The following FBXO40 variants were observed in gnomAD, a reference collection of about 807,000 sequenced individuals.
FBXO40 encodes F-box protein 40, also known as F-box only protein 40.
A neutral mutation model predicts 49.9 loss-of-function variants in FBXO40; 50 were observed. That is an observed-to-expected ratio of 1.00 (90% confidence interval 0.80 to 1.27). The LOEUF (loss-of-function observed/expected upper bound fraction) is 1.27. Among genes scored for constraint, FBXO40 ranks in the 50% most tolerant of loss-of-function variants. The probability of loss-of-function intolerance (pLI) is 0.00; values close to 1 mark genes in which losing one functional copy is unlikely to be tolerated. For missense variants in FBXO40, 895 were observed against 870.1 expected, an observed-to-expected ratio of 1.03 and a Z score of -0.36; for synonymous variants, 340 against 320.2, an observed-to-expected ratio of 1.06 and a Z score of -0.66.
intron 1 of FBXO40, among the ~76,000 whole-genome samples, chr3:121,603,602 G>A (rs1194118097): frequency 6.6e-6 from 1 of 152,210 alleles, no homozygotes; most frequent in African/African-American, 2.4e-5. Context: ...TGGTCAGCTT[G>A]GGATGTGGCT....
chr3:121,611,579 C>A (rs1321138967), intron 1 of FBXO40, among the ~76,000 whole-genome samples: 1 of 152,210 alleles, frequency 6.6e-6, no homozygotes, highest in Non-Finnish European at 1.5e-5. Context: ...AGGTTTTATA[C>A]CGAGACATTC....
At chr3:121,613,204 A>G (rs555793102) in intron 1 of FBXO40, among the ~76,000 whole-genome samples, 1 of 152,150 alleles carries the variant, frequency 6.6e-6, no homozygotes, top group Non-Finnish European at 1.5e-5. Flanking sequence ...AAGGTGCTGA[A>G]TACCACTCCT....
At position 121,622,958 on chromosome 3, in the gene FBXO40, G is replaced by A. The variant is rs779809283; in HGVS notation, c.1529G>A (p.Arg510Gln). 3.5e-5 allele frequency: 56 copies of A among 1,614,068 alleles called. 2 individuals carry two copies. The South Asian group carries it at 5.1e-4, about 15-fold the overall frequency. Residue 510 changes from arginine to glutamine, a missense_variant, in exon 3 of 4, where the codon CGA becomes CAA. Transcript: ENST00000338040. ...TGTCTCAATGGCTGGTTCCAGCATC[G>A]ATGCCCCCTCGCCTACTTGGGATGT... ...QSCLNGWFQH[R>Q]CPLAYLGCTF... is the part of the protein sequence containing the mutation.
At chr3:121,605,265 AGTGACCTGGGGT>A (rs1175786108) in intron 1 of FBXO40, among the ~76,000 whole-genome samples, 2 of 152,206 alleles carry the variant, frequency 1.3e-5, no homozygotes, top group African/African-American at 4.8e-5. Flanking sequence ...GTCTTTGTCC[AGTGACCTGGGGT>A]CAAGATAAGC....
Position 121,621,579 on chromosome 3 carries a change from A to G in FBXO40, c.150A>G (p.Lys50=). The G allele has an allele frequency of 6.2e-7, 1 of 1,614,202 alleles. No homozygotes were observed. Among genetic ancestry groups the G allele is most frequent in the Non-Finnish European group, 8.5e-7 (1 of 1,180,034 alleles). The change falls in exon 3 of 4, where the codon AAA becomes AAG. Residue 50 remains lysine (K), a synonymous_variant. Coordinates refer to ENST00000338040, the MANE Select transcript of FBXO40 (RefSeq NM_016298.4). ...GTGGTGCCACCTTCCACATGTGCAA[A>G]GAGGCAGAGCACCAGCTCCTCTGCC... ...LLCGATFHMC[K]EAEHQLLCPL...
rs1485899901 is a variant in FBXO40, at chr3:121,628,194, G to A, written c.*1284G>A. 1 of 261,252 alleles carries A rather than the reference G, an allele frequency of 3.8e-6. No individual in the cohort carries two copies. Among genetic ancestry groups the A allele is most frequent in the Non-Finnish European group, 7.2e-6 (1 of 139,670 alleles). 16.2% of individuals were successfully genotyped at this position (261,252 alleles called of 1,614,324 possible). On this transcript the variant is annotated 3_prime_UTR_variant, in exon 4 of 4. Coordinates refer to ENST00000338040, the MANE Select transcript of FBXO40 (RefSeq NM_016298.4). ...CTTTTTTTTTTTTTCTAGGTGGGGA[G>A]GGGATGGAGTTCACTCTTGTTGCCC...
chr3:121,615,325 G>A (rs2048991435), intron 1 of FBXO40, among the ~76,000 whole-genome samples: 2 of 151,940 alleles, frequency 1.3e-5, no homozygotes, highest in East Asian at 1.9e-4. Flanking sequence ...AGAAACCCGA[G>A]GCAGGCAGAT....
chr3:121,607,983 C>T (rs548221384), intron 1 of FBXO40, among the ~76,000 whole-genome samples: 3 of 152,350 alleles, frequency 2.0e-5, no homozygotes, highest in Admixed American at 6.5e-5. Context: ...AATTTGTTAT[C>T]ATTAACCAGC....
chr3:121,628,113 C>T lies in FBXO40; in HGVS notation c.*1203C>T, dbSNP rs547889579. The T allele has an allele frequency of 2.5e-6, 1 of 395,538 alleles. No individual in the cohort carries two copies. The highest frequency in any genetic ancestry group is 4.4e-6 in the Non-Finnish European group (1 of 224,856). 24.5% of individuals were successfully genotyped at this position (395,538 alleles called of 1,614,324 possible). On this transcript the variant is annotated 3_prime_UTR_variant, in exon 4 of 4. Transcript: ENST00000338040. ...AAAAAGACACAGTAGAAACTGGCATCCCCTAAAGCAGGGCTTCTTAGCCTT... is the reference window on the plus strand; with the variant it reads ...AAAAAGACACAGTAGAAACTGGCATTCCCTAAAGCAGGGCTTCTTAGCCTT...
At chr3:121,611,231 T>C (rs1038229657) in intron 1 of FBXO40, among the ~76,000 whole-genome samples, 20 of 152,278 alleles carry the variant, frequency 1.3e-4, no homozygotes, top group South Asian at 4.1e-4. Flanking sequence ...GACCAGCGCT[T>C]AGCATACCAA....
At chr3:121,610,635 CT>C (rs910440244) in intron 1 of FBXO40, among the ~76,000 whole-genome samples, 1 of 151,954 alleles carries the variant, frequency 6.6e-6, no homozygotes, top group Non-Finnish European at 1.5e-5. Context: ...TTCTTACTTC[CT>C]TTTTTTGTTG....
intron 3 of FBXO40, among the ~76,000 whole-genome samples, chr3:121,625,313 T>C (rs974074612): frequency 1.3e-5 from 2 of 152,222 alleles, no homozygotes; most frequent in South Asian, 4.1e-4. Context: ...AGGTCAATAA[T>C]TCTATAATCT....
rs189779403 is a variant in FBXO40 at position 121,608,952 on chromosome 3, A to T, written c.-30-11594A>T. On this transcript the variant is annotated intron_variant, in intron 1 of 3. Transcript: ENST00000338040. ...GCCCAATTTCGCTTTGACAGTATTG[A>T]AGTTTTGTCTGCTATTCTCATTCCA... Among the ~76,000 whole-genome samples the T allele has an allele frequency of 3.3e-5, 5 of 152,294 alleles. No individual in the cohort carries two copies. In the East Asian group the frequency reaches 9.6e-4, roughly 29 times the overall value.
intron 1 of FBXO40, among the ~76,000 whole-genome samples, chr3:121,594,578 T>A (rs969425104): frequency 6.6e-6 from 1 of 152,208 alleles, no homozygotes; most frequent in Non-Finnish European, 1.5e-5. Flanking sequence ...TGCAAGTCAT[T>A]CTCATGTAGC....
In FBXO40 at chr3:121,622,338, T is replaced by C; in HGVS notation, c.909T>C (p.Asp303=). 1 of 1,614,210 alleles carries C rather than the reference T, an allele frequency of 6.2e-7. No homozygotes were observed. Among genetic ancestry groups the C allele is most frequent in the Non-Finnish European group, 8.5e-7 (1 of 1,180,030 alleles). Residue 303 remains aspartate, a synonymous_variant, in exon 3 of 4, where the codon GAT becomes GAC. Coordinates refer to ENST00000338040, the MANE Select transcript of FBXO40 (RefSeq NM_016298.4). ...TGGAAAGACTGAAAACAGCTGTGGA[T>C]GCAAAGGACTATAACATGTATCTAG... ...GVLERLKTAV[D]AKDYNMYLVH... is the part of the protein sequence containing the mutation.
In FBXO40 at chr3:121,622,593, G is replaced by T; in HGVS notation, c.1164G>T (p.Glu388Asp). 2.5e-6 allele frequency: 4 copies of T among 1,614,204 alleles called. No homozygotes were observed. The highest frequency in any genetic ancestry group is 3.4e-6 in the Non-Finnish European group (4 of 1,180,046). The change falls in exon 3 of 4, where the codon GAG becomes GAT. Residue 388 changes from glutamate to aspartate, a missense_variant. Glu to Asp is a conservative substitution (Grantham distance 45). Coordinates refer to ENST00000338040, the MANE Select transcript of FBXO40 (RefSeq NM_016298.4). ...VDTSDLGITV[E>D]DLPKSDLIKT... Reference sequence around the variant, plus strand: ...CTTCAGATTTGGGGATCACTGTGGAGGACCTGCCCAAATCAGATCTCATCA... The same window carrying T: ...CTTCAGATTTGGGGATCACTGTGGATGACCTGCCCAAATCAGATCTCATCA...
At chr3:121,619,014 G>C (rs2049014972) in intron 1 of FBXO40, among the ~76,000 whole-genome samples, 1 of 149,562 alleles carries the variant, frequency 6.7e-6, no homozygotes, top group African/African-American at 2.5e-5. Context: ...GTTTGTTTTT[G>C]AGACAGGGTC....
In FBXO40 at chr3:121,611,148, G is replaced by A. The variant is rs527559423; in HGVS notation, c.-30-9398G>A. ...TCCACACCTGTGGGTATTTCTAGTC[G>A]GGTGGGACGAGAGACTGAGAAAAGA... On this transcript the variant is annotated intron_variant, in intron 1 of 3. Coordinates refer to ENST00000338040, the MANE Select transcript of FBXO40 (RefSeq NM_016298.4). Among the ~76,000 whole-genome samples the A allele has an allele frequency of 2.4e-4, 36 of 152,256 alleles. 1 individual carries two copies. In the East Asian group the frequency reaches 5.2e-3, roughly 22 times the overall value.
At position 121,621,571 on chromosome 3, in the gene FBXO40, A is replaced by G; in HGVS notation, c.142A>G (p.Met48Val). 1 of 1,614,198 alleles carries G rather than the reference A, an allele frequency of 6.2e-7. No homozygotes were observed. The highest frequency in any genetic ancestry group is 2.2e-5 in the East Asian group (1 of 44,878). The change falls in exon 3 of 4, where the codon ATG (methionine) becomes GTG (valine). Residue 48 changes from methionine to valine, a missense_variant. By Grantham distance (21) the Met-to-Val change is conservative. Transcript: ENST00000338040. ...CCTGCTCTGTGGTGCCACCTTCCAC[A>G]TGTGCAAAGAGGCAGAGCACCAGCT... ...CHLLCGATFH[M>V]CKEAEHQLLC...
Sources: gnomAD v4.1 joint callset for allele counts (sites outside exome capture counted in the v4.1 genomes callset) on GRCh38, gnomAD v4.1.1 for gene constraint, MANE v1.5 for transcripts, NCBI Gene and HGNC (gene_info 2026-07-23, HGNC 2026-07-21) for gene names.